Variants in JMJD1C observed in about 807,000 individuals in gnomAD.
JMJD1C encodes jumonji domain containing 1C, also known as jumonji domain-containing protein 1C.
JMJD1C carries 31 observed loss-of-function variants against 245.3 expected under a neutral mutation model. That is an observed-to-expected ratio of 0.13 (90% CI 0.09 to 0.17). The LOEUF (loss-of-function observed/expected upper bound fraction) is 0.17, where lower values mean the gene tolerates loss of function less well. Ranked by LOEUF, JMJD1C falls within the 10% of genes least tolerant of loss-of-function variation. The pLI, the probability that JMJD1C is intolerant of heterozygous loss-of-function variation, is 1.00. For missense variants in JMJD1C, 2,691 were observed against 3,000.2 expected (o/e 0.90, Z 2.41); for synonymous variants, 1,057 against 1,017.4 (o/e 1.04, Z -0.74).
chr10:63,357,192 C>T (rs1175980255), intron 2 of JMJD1C, among the ~76,000 whole-genome samples: 1 of 151,920 alleles, frequency 6.6e-6, no homozygotes, highest in Non-Finnish European at 1.5e-5. Context: ...TGCCACCACG[C>T]CCATCTATTT....
chr10:63,411,330 G>A (rs1335102190), intron 1 of JMJD1C, among the ~76,000 whole-genome samples: 8 of 128,254 alleles, frequency 6.2e-5, no homozygotes, highest in African/African-American at 2.4e-4. Flanking sequence ...ACGGAGTCTC[G>A]CTCTTGTCAC....
At chr10:63,495,165 G>C (rs1277102598) in intron 1 of JMJD1C, among the ~76,000 whole-genome samples, 2 of 151,544 alleles carry the variant, frequency 1.3e-5, no homozygotes, top group African/African-American at 4.9e-5. Flanking sequence ...CACAAAGAAT[G>C]TGGTCTCTAC....
At chr10:63,287,795 C>G (rs1012814201) in intron 2 of JMJD1C, among the ~76,000 whole-genome samples, 3 of 151,882 alleles carry the variant, frequency 2.0e-5, no homozygotes, top group Non-Finnish European at 4.4e-5. Flanking sequence ...GTTGCGCAAG[C>G]TGGAGTGCAA....
chr10:63,514,727 A>G (rs865792326), intron 1 of JMJD1C, among the ~76,000 whole-genome samples: 11 of 152,122 alleles, frequency 7.2e-5, no homozygotes, highest in Admixed American at 7.2e-4. Flanking sequence ...AGCATCATGC[A>G]ACATACCTAG....
chr10:63,255,572 T>C (rs1018641713), intron 3 of JMJD1C, among the ~76,000 whole-genome samples: 1 of 152,196 alleles, frequency 6.6e-6, no homozygotes, highest in Non-Finnish European at 1.5e-5. Context: ...GAAATGGATG[T>C]ACCATGACAT....
intron 1 of JMJD1C, among the ~76,000 whole-genome samples, chr10:63,397,383 T>C (rs1250461370): frequency 6.6e-6 from 1 of 152,006 alleles, no homozygotes; most frequent in East Asian, 1.9e-4. Context: ...CCGGCTTATT[T>C]TGTATTTTCA....
intron 1 of JMJD1C, among the ~76,000 whole-genome samples, chr10:63,440,329 C>A (rs995492608): frequency 4.3e-5 from 6 of 138,274 alleles, no homozygotes; most frequent in Non-Finnish European, 9.1e-5. Context: ...GAGCAACACT[C>A]TGTCTCAAAA....
Position 63,184,595 on chromosome 10 carries a change from A to C in JMJD1C, c.6961+13T>G, listed in dbSNP as rs756266028. On this transcript the variant is annotated intron_variant, in intron 21 of 25. Transcript: ENST00000399262. ...ATAATTCCTACATGGGAGAAATGTGAATATATACCTACCATAGGCACTGCA... is the reference window on the plus strand; with the variant it reads ...ATAATTCCTACATGGGAGAAATGTGCATATATACCTACCATAGGCACTGCA... The C allele has an allele frequency of 3.2e-6, 5 of 1,586,376 alleles. No individual in the cohort carries two copies. The highest frequency in any genetic ancestry group is 1.2e-5 in the South Asian group (1 of 86,054).
At chr10:63,243,661 A>T (rs1330557151) in intron 3 of JMJD1C, among the ~76,000 whole-genome samples, 1 of 152,140 alleles carries the variant, frequency 6.6e-6, no homozygotes, top group Non-Finnish European at 1.5e-5. Flanking sequence ...AAATTGATAA[A>T]AAATACAAGT....
At chr10:63,187,339 T>G (rs1844247127) in intron 18 of JMJD1C, among the ~76,000 whole-genome samples, 1 of 152,212 alleles carries the variant, frequency 6.6e-6, no homozygotes, top group South Asian at 2.1e-4. Context: ...ATTAGGGTAA[T>G]CAGCAGCTTG....
intron 22 of JMJD1C, among the ~76,000 whole-genome samples, chr10:63,182,224 C>T (rs1303005520): frequency 2.0e-5 from 3 of 152,158 alleles, no homozygotes; most frequent in Non-Finnish European, 2.9e-5. Context: ...GAAAAGGTAG[C>T]GAACATCTGA....
intron 2 of JMJD1C, among the ~76,000 whole-genome samples, chr10:63,340,859 C>A (rs1390021039): frequency 6.6e-6 from 1 of 151,820 alleles, no homozygotes; most frequent in Non-Finnish European, 1.5e-5. Flanking sequence ...GCAGGAGAAT[C>A]GCTTGAACCC....
intron 1 of JMJD1C, among the ~76,000 whole-genome samples, chr10:63,486,456 ATAAC>A (rs1309345064): frequency 6.6e-6 from 1 of 152,208 alleles, no homozygotes; most frequent in Non-Finnish European, 1.5e-5. Flanking sequence ...AGCATTTAGA[ATAAC>A]TAATCTACCT....
chr10:63,310,728 T>C (rs1465910875), intron 2 of JMJD1C, among the ~76,000 whole-genome samples: 1 of 152,162 alleles, frequency 6.6e-6, no homozygotes, highest in Non-Finnish European at 1.5e-5. Flanking sequence ...AGTAATTATC[T>C]AAAATATAAA....
intron 1 of JMJD1C, among the ~76,000 whole-genome samples, chr10:63,435,890 C>A (rs143211132): frequency 6.6e-6 from 1 of 152,172 alleles, no homozygotes; most frequent in African/African-American, 2.4e-5. Context: ...CAGAGCAAGA[C>A]GCTGTCTCAA....
chr10:63,305,627 G>GGTGTGTGTGTGTGTGTGTGTGTGT (rs1420500276), intron 2 of JMJD1C, among the ~76,000 whole-genome samples: 2 of 58,610 alleles, frequency 3.4e-5, no homozygotes, highest in South Asian at 5.6e-4. Flanking sequence ...CCACCATGCT[G>GGTGTGTGTGTGTGTGTGTGTGTGT]GCGTGTGTGT....
At chr10:63,454,572 A>G (rs1432115486) in intron 1 of JMJD1C, among the ~76,000 whole-genome samples, 3 of 152,126 alleles carry the variant, frequency 2.0e-5, no homozygotes, top group African/African-American at 4.8e-5. Flanking sequence ...CTGGGATTAC[A>G]GGCCTGCACC....
At chr10:63,429,771 A>G (rs762207994) in intron 1 of JMJD1C, among the ~76,000 whole-genome samples, 11 of 152,238 alleles carry the variant, frequency 7.2e-5, no homozygotes, top group Non-Finnish European at 1.6e-4. Context: ...TTATAGCACT[A>G]TATTACTACA....
intron 8 of JMJD1C, among the ~76,000 whole-genome samples, chr10:63,210,207 T>A (rs534099176): frequency 1.3e-5 from 2 of 152,180 alleles, no homozygotes; most frequent in African/African-American, 4.8e-5. Flanking sequence ...GATCCAGAAA[T>A]CTTAAACAGC....
Sources: allele counts gnomAD v4.1 joint callset (sites outside exome capture counted in the v4.1 genomes callset), GRCh38; gene constraint gnomAD v4.1.1; transcripts MANE v1.5; gene names NCBI Gene and HGNC (gene_info 2026-07-23, HGNC 2026-07-21).